The following ITGBL1 variants were observed in gnomAD, a reference collection of about 807,000 sequenced individuals.
The protein encoded by ITGBL1 is integrin beta-like protein 1.
ITGBL1 carries 51 observed loss-of-function variants against 68.5 expected under a neutral mutation model. The observed-to-expected ratio is 0.74, with a 90% confidence interval of 0.59 to 0.94. The LOEUF is 0.94. ITGBL1 is among the 40% of genes least tolerant of loss of function. The probability of loss-of-function intolerance (pLI) is 0.00; values close to 1 mark genes in which losing one functional copy is unlikely to be tolerated. For synonymous variants in ITGBL1, 209 were observed against 227.3 expected, an observed-to-expected ratio of 0.92 and a Z score of 0.72; for missense variants, 649 against 647.4, an observed-to-expected ratio of 1.00 and a Z score of -0.03.
chr13:101,515,385 G>C (rs756844223), intron 2 of ITGBL1, among the ~76,000 whole-genome samples: 1 of 151,750 alleles, frequency 6.6e-6, no homozygotes, highest in Non-Finnish European at 1.5e-5. Flanking sequence ...TAGACAACAA[G>C]ATGGTAGGGT....
intron 2 of ITGBL1, among the ~76,000 whole-genome samples, chr13:101,526,014 C>G (rs1013720696): frequency 6.6e-6 from 1 of 151,854 alleles, no homozygotes; most frequent in Non-Finnish European, 1.5e-5. Flanking sequence ...AATAACAACC[C>G]TATTTTGATT....
chr13:101,519,587 CA>C (rs1204640564), intron 2 of ITGBL1, among the ~76,000 whole-genome samples: 2 of 152,086 alleles, frequency 1.3e-5, no homozygotes, highest in African/African-American at 4.8e-5. Flanking sequence ...AAGTTTGGAT[CA>C]GACAAATAAA....
At chr13:101,660,398 G>C (rs1400756040) in intron 7 of ITGBL1, among the ~76,000 whole-genome samples, 1 of 152,072 alleles carries the variant, frequency 6.6e-6, no homozygotes, top group Non-Finnish European at 1.5e-5. Flanking sequence ...AAATGCTGGT[G>C]GGGCCATCCA....
chr13:101,589,452 G>T (rs576614790), intron 6 of ITGBL1, among the ~76,000 whole-genome samples: 2 of 152,230 alleles, frequency 1.3e-5, no homozygotes, highest in South Asian at 2.1e-4. Flanking sequence ...TTTATGGATG[G>T]CTTATGTATG....
At chr13:101,671,430 TTTTTTTGTTTTTTTTTG>T (rs1566784418) in intron 7 of ITGBL1, among the ~76,000 whole-genome samples, 1 of 67,106 alleles carries the variant, frequency 1.5e-5, no homozygotes, top group Non-Finnish European at 3.0e-5. Context: ...ACCTTTGTTT[TTTTTTTGTTTTTTTTTG>T]TTTTTTTTTG....
intron 2 of ITGBL1, among the ~76,000 whole-genome samples, chr13:101,544,825 G>C (rs2049788384): frequency 6.6e-6 from 1 of 152,156 alleles, no homozygotes; most frequent in African/African-American, 2.4e-5. Flanking sequence ...CAATGAGCAA[G>C]GCTCCATGGT....
chr13:101,464,292 A>G (rs574632476), intron 2 of ITGBL1, among the ~76,000 whole-genome samples: 22 of 151,628 alleles, frequency 1.5e-4, no homozygotes, highest in Middle Eastern at 3.4e-3. Flanking sequence ...CTGTTTTTTT[A>G]TTTCACTTTC....
intron 2 of ITGBL1, among the ~76,000 whole-genome samples, chr13:101,498,743 C>T (rs2048894575): frequency 6.6e-6 from 1 of 152,098 alleles, no homozygotes; most frequent in African/African-American, 2.4e-5. Flanking sequence ...GCATGAACGG[C>T]CGCAGATGGG....
intron 2 of ITGBL1, among the ~76,000 whole-genome samples, chr13:101,545,623 A>C (rs966120581): frequency 1.3e-5 from 2 of 152,242 alleles, no homozygotes; most frequent in Non-Finnish European, 2.9e-5. Context: ...CAGCAGTAAA[A>C]TCTTCCATGG....
At chr13:101,579,578 A>T in intron 5 of ITGBL1, 151 bp downstream of exon 5, 1 of 824,112 alleles carries the variant, frequency 1.2e-6, no homozygotes, top group South Asian at 2.0e-5. Context: ...TATCCCAACA[A>T]TCTTTTCTGT....
intron 4 of ITGBL1, among the ~76,000 whole-genome samples, chr13:101,576,033 A>G (rs2050353442): frequency 1.3e-5 from 2 of 152,136 alleles, no homozygotes; most frequent in African/African-American, 4.8e-5. Context: ...TTTTCTGTGT[A>G]CCACCATTAC....
intron 7 of ITGBL1, among the ~76,000 whole-genome samples, chr13:101,659,596 G>A (rs2033028746): frequency 6.6e-6 from 1 of 151,730 alleles, no homozygotes; most frequent in Non-Finnish European, 1.5e-5. Context: ...CCTGTAGCTG[G>A]GACTACAGGC....
chr13:101,459,095 A>G (rs2048284055), intron 2 of ITGBL1, among the ~76,000 whole-genome samples: 1 of 152,224 alleles, frequency 6.6e-6, no homozygotes. Flanking sequence ...AAAGAACCAG[A>G]TAACCAAATC....
rs74119859 is a variant in ITGBL1, at chr13:101,578,131, C to T, written c.587-1156C>T. ...AGTCTCATCTGCTGGACATGAATAG[C>T]GTAGGATACCAGAATATTCTGTTGT... On this transcript the variant is annotated intron_variant, in intron 4 of 10. Coordinates refer to ENST00000376180, the MANE Select transcript of ITGBL1 (RefSeq NM_004791.3). Among the ~76,000 whole-genome samples, 238 of 152,186 alleles carry T rather than the reference C, an allele frequency of 1.6e-3. 1 individual carries two copies. The highest frequency in any genetic ancestry group is 5.2e-3 in the African/African-American group (218 of 41,530).
At chr13:101,627,543 T>C (rs1452643236) in intron 7 of ITGBL1, among the ~76,000 whole-genome samples, 3 of 152,136 alleles carry the variant, frequency 2.0e-5, no homozygotes, top group Non-Finnish European at 4.4e-5. Flanking sequence ...AATTTTATAA[T>C]GACACGTACC....
chr13:101,479,808 C>T (rs952846679), intron 2 of ITGBL1, among the ~76,000 whole-genome samples: 10 of 151,946 alleles, frequency 6.6e-5, no homozygotes, highest in Non-Finnish European at 1.3e-4. Flanking sequence ...CAGGCAGTAA[C>T]ATTCCCACCA....
chr13:101,693,664 A>ATCTG (rs2033935359), intron 8 of ITGBL1, among the ~76,000 whole-genome samples: 1 of 148,862 alleles, frequency 6.7e-6, no homozygotes. Flanking sequence ...CTATCTATCT[A>ATCTG]TCATCTATTA....
downstream of ITGBL1, chr13:101,717,390 G>A (rs1334501668): frequency 2.6e-5 from 4 of 151,974 alleles, no homozygotes; most frequent in African/African-American, 9.7e-5. Flanking sequence ...GATCTCTTCC[G>A]TAAAATGAGG....
intron 2 of ITGBL1, among the ~76,000 whole-genome samples, chr13:101,471,562 GTGTGTGTA>G (rs1370585540): frequency 1.5e-5 from 2 of 136,606 alleles, no homozygotes; most frequent in East Asian, 2.7e-4. Flanking sequence ...GTGTGTGTGT[GTGTGTGTA>G]TATATATTTC....
Sources: gnomAD v4.1 joint callset for allele counts (sites outside exome capture counted in the v4.1 genomes callset) on GRCh38, gnomAD v4.1.1 for gene constraint, MANE v1.5 for transcripts, NCBI Gene and HGNC (gene_info 2026-07-23, HGNC 2026-07-21) for gene names.